SLC25A21: variants seen among roughly 807,000 people sequenced by gnomAD.
The protein encoded by SLC25A21 is mitochondrial 2-oxodicarboxylate carrier.
Under a neutral mutation model 43.8 loss-of-function variants are expected in SLC25A21, and 47 were observed. The ratio of observed to expected loss-of-function variants is 1.07; its 90% CI spans 0.85 to 1.37. SLC25A21 has a LOEUF of 1.37. SLC25A21 is among the 40% of genes most tolerant of loss of function. SLC25A21 has a pLI of 0.00. For missense variants in SLC25A21, 352 were observed against 350.2 expected (o/e 1.00, Z -0.04); for synonymous variants, 131 against 121.3 (o/e 1.08, Z -0.52).
chr14:37,167,909 C>G (rs974058438), intron 1 of SLC25A21, among the ~76,000 whole-genome samples: 5 of 151,898 alleles, frequency 3.3e-5, no homozygotes, highest in African/African-American at 1.2e-4. Context: ...CCCCCACCCC[C>G]TAATGCTTGG....
At chr14:36,897,061 A>T (rs1224392180) in intron 1 of SLC25A21, among the ~76,000 whole-genome samples, 4 of 152,098 alleles carry the variant, frequency 2.6e-5, no homozygotes, top group Non-Finnish European at 5.9e-5. Context: ...TGTTCTCTGT[A>T]TTTCCTGAAT....
intron 3 of SLC25A21, among the ~76,000 whole-genome samples, chr14:36,748,133 C>T (rs1170708060): frequency 1.3e-5 from 2 of 152,218 alleles, no homozygotes; most frequent in Admixed American, 1.3e-4. Context: ...CTATTTGACT[C>T]CAAAACCTCA....
At position 37,008,154 on chromosome 14, in the gene SLC25A21, A is replaced by T. The variant is rs1960649701; in HGVS notation, c.71-133150T>A. Among the ~76,000 whole-genome samples the T allele has an allele frequency of 2.0e-5, 3 of 152,108 alleles. No individual in the cohort carries two copies. The South Asian group carries it at 6.2e-4, about 32-fold the overall frequency. ...CTCTGAAAGTGCTGGGATTACAGGC[A>T]TGAACCACTGTGCCAGTGAAAAAAG... On this transcript the variant is annotated intron_variant, in intron 1 of 9. Transcript: ENST00000331299.
At chr14:36,872,495 T>G (rs1008068902) in intron 2 of SLC25A21, among the ~76,000 whole-genome samples, 1 of 152,192 alleles carries the variant, frequency 6.6e-6, no homozygotes, top group Non-Finnish European at 1.5e-5. Context: ...CTACTTGATG[T>G]CATCTCTCTG....
In SLC25A21 at chr14:36,730,780, T is replaced by C. The variant is rs576806666; in HGVS notation, c.271-1214A>G. Among the ~76,000 whole-genome samples, 8 of 152,284 alleles carry C rather than the reference T, an allele frequency of 5.3e-5. No homozygotes were observed. In the East Asian group the frequency reaches 7.7e-4, roughly 15 times the overall value. ...ATTAGAGACCTCCTATTCTAGGTACTGGGGATGCAACAGTAAACAAAGAGA... is the reference window on the plus strand; with the variant it reads ...ATTAGAGACCTCCTATTCTAGGTACCGGGGATGCAACAGTAAACAAAGAGA... On this transcript the variant is annotated intron_variant, in intron 4 of 9. Transcript: ENST00000331299.
intron 1 of SLC25A21, among the ~76,000 whole-genome samples, chr14:36,977,655 T>TA (rs1408080942): frequency 2.6e-5 from 4 of 152,136 alleles, no homozygotes; most frequent in African/African-American, 4.8e-5. Flanking sequence ...GGGGGCCTTG[T>TA]AAAAAAGTGT....
intron 1 of SLC25A21, among the ~76,000 whole-genome samples, chr14:37,164,637 C>T (rs1355938781): frequency 6.6e-6 from 1 of 152,146 alleles, no homozygotes; most frequent in African/African-American, 2.4e-5. Flanking sequence ...TTCTAGTATA[C>T]ATACTATTAA....
chr14:37,085,754 C>T (rs1028131657), intron 1 of SLC25A21, among the ~76,000 whole-genome samples: 1 of 152,276 alleles, frequency 6.6e-6, no homozygotes. Context: ...AAAAACCAGC[C>T]TCATTTATTG....
chr14:36,743,607 C>T (rs1341233103), intron 3 of SLC25A21, among the ~76,000 whole-genome samples: 1 of 152,094 alleles, frequency 6.6e-6, no homozygotes, highest in Non-Finnish European at 1.5e-5. Flanking sequence ...GAAAGCATTT[C>T]CCCTAAGAAC....
intron 1 of SLC25A21, among the ~76,000 whole-genome samples, chr14:37,069,544 T>C (rs1483228514): frequency 6.6e-6 from 1 of 152,220 alleles, no homozygotes; most frequent in Non-Finnish European, 1.5e-5. Context: ...ACATGCATCC[T>C]AATAGAACTG....
intron 1 of SLC25A21, among the ~76,000 whole-genome samples, chr14:37,082,149 G>C (rs961928014): frequency 2.0e-5 from 3 of 152,134 alleles, no homozygotes; most frequent in African/African-American, 7.2e-5. Flanking sequence ...ACCAAATGCA[G>C]CATGTTCTCA....
intron 1 of SLC25A21, among the ~76,000 whole-genome samples, chr14:36,931,974 T>G (rs1309784044): frequency 2.6e-5 from 4 of 152,150 alleles, no homozygotes; most frequent in African/African-American, 7.2e-5. Flanking sequence ...ATTACGACAC[T>G]AGTGTCCATT....
chr14:37,169,606 C>CACACACAG (rs1435857135), intron 1 of SLC25A21, among the ~76,000 whole-genome samples: 4 of 151,428 alleles, frequency 2.6e-5, no homozygotes, highest in African/African-American at 9.7e-5. Flanking sequence ...CACACACACA[C>CACACACAG]AGAAGTGTTG....
Position 36,679,140 on chromosome 14 carries a change from G to C in SLC25A21, c.*1518C>G, listed in dbSNP as rs1345874895. ...TGGATGTAAGAATATTACCTGCAAGGATAGAATGCAGTTGTGCAACAGAGA... is the reference window on the plus strand; with the variant it reads ...TGGATGTAAGAATATTACCTGCAAGCATAGAATGCAGTTGTGCAACAGAGA... On this transcript the variant is annotated 3_prime_UTR_variant, in exon 10 of 10. Transcript: ENST00000331299. 8.1e-6 allele frequency: 8 copies of C among 985,258 alleles called. No individual in the cohort carries two copies. Among genetic ancestry groups the C allele is most frequent in the African/African-American group, 1.7e-5 (1 of 57,232 alleles). 61.0% of individuals were successfully genotyped at this position (985,258 alleles called of 1,614,324 possible). A position where few individuals can be genotyped will look rare whatever the true frequency, so the allele number is the denominator to read the frequency against.
intron 2 of SLC25A21, among the ~76,000 whole-genome samples, chr14:36,872,199 A>G (rs1008162745): frequency 3.9e-5 from 6 of 152,138 alleles, no homozygotes; most frequent in African/African-American, 1.4e-4. Context: ...GATATGGCTC[A>G]TTTTCCACAA....
At chr14:37,133,867 C>T (rs1221565087) in intron 1 of SLC25A21, among the ~76,000 whole-genome samples, 2 of 152,158 alleles carry the variant, frequency 1.3e-5, no homozygotes, top group Non-Finnish European at 2.9e-5. Context: ...TAATTATTTA[C>T]TTCCTCAGTA....
intron 1 of SLC25A21, among the ~76,000 whole-genome samples, chr14:37,057,983 A>C (rs1168128312): frequency 2.6e-5 from 4 of 152,218 alleles, no homozygotes; most frequent in Admixed American, 2.0e-4. Context: ...CTGCCCACAC[A>C]GCAATAATCA....
chr14:37,023,576 A>G (rs1961032006), intron 1 of SLC25A21, among the ~76,000 whole-genome samples: 1 of 152,072 alleles, frequency 6.6e-6, no homozygotes, highest in South Asian at 2.1e-4. Flanking sequence ...TGATTCATCA[A>G]TAACTTTCTT....
intron 1 of SLC25A21, among the ~76,000 whole-genome samples, chr14:37,035,666 C>A (rs1407803071): frequency 6.6e-6 from 1 of 152,166 alleles, no homozygotes; most frequent in African/African-American, 2.4e-5. Flanking sequence ...CCAAGGAAGA[C>A]CTCAAGCTGA....
Sources: allele counts gnomAD v4.1 joint callset (sites outside exome capture counted in the v4.1 genomes callset), GRCh38; gene constraint gnomAD v4.1.1; transcripts MANE v1.5; gene names NCBI Gene and HGNC (gene_info 2026-07-23, HGNC 2026-07-21).